The following TMEM230 variants were observed in gnomAD, a reference collection of about 807,000 sequenced individuals.
TMEM230 encodes the protein transmembrane protein 230.
TMEM230 carries 10 observed loss-of-function variants against 15.8 expected under a neutral mutation model. The ratio of observed to expected loss-of-function variants is 0.63; its 90% CI spans 0.39 to 1.07. The LOEUF (loss-of-function observed/expected upper bound fraction) is 1.07. Ranked by LOEUF, TMEM230 falls within the 50% of genes least tolerant of loss-of-function variation. The probability of loss-of-function intolerance (pLI) is 0.01; values close to 1 mark genes in which losing one functional copy is unlikely to be tolerated. For synonymous variants in TMEM230, 67 were observed against 76.9 expected (o/e 0.87, Z 0.68); for missense variants, 165 against 193.3 (o/e 0.85, Z 0.87).
intron 3 of TMEM230, among the ~76,000 whole-genome samples, chr20:5,090,296 A>G (rs947715832): frequency 6.6e-6 from 1 of 152,228 alleles, no homozygotes; most frequent in African/African-American, 2.4e-5. Context: ...ATGGGTGCTG[A>G]ATAGAAATAG....
At chr20:5,103,166 C>A (rs543305231) in intron 4 of TMEM230, among the ~76,000 whole-genome samples, 1 of 152,142 alleles carries the variant, frequency 6.6e-6, no homozygotes, top group Non-Finnish European at 1.5e-5. Context: ...TAACACACAA[C>A]GGGAAACATA....
At chr20:5,097,803 T>G (rs1246459007), downstream of TMEM230, among the ~76,000 whole-genome samples, 2 of 151,512 alleles carry the variant, frequency 1.3e-5, no homozygotes, top group Admixed American at 6.6e-5. Flanking sequence ...CCCAGCTAAT[T>G]TTTGTATTTT....
chr20:5,084,310 A>T (rs6084992), intron 3 of TMEM230, among the ~76,000 whole-genome samples: 3 of 149,712 alleles, frequency 2.0e-5, no homozygotes, highest in Admixed American at 6.7e-5. Context: ...TGCAACCTCC[A>T]CCTCTTGGGT....
Position 5,106,299 on chromosome 20 carries a change from G to A in TMEM230, c.300C>T (p.Thr100=), listed in dbSNP as rs999154020. Residue 100 remains threonine (T), a synonymous_variant, in exon 4 of 5, where the codon ACC becomes ACT. Transcript: ENST00000342308. ...TGGCCTTATAAGGGATCTTAGGAGG[G>A]GTTTTCTTAAACTGGAAGAGAAATA... is the stretch of plus-strand genomic sequence containing the variant. The A allele has an allele frequency of 1.2e-6, 2 of 1,603,882 alleles. No homozygotes were observed. Among genetic ancestry groups the A allele is most frequent in the Non-Finnish European group, 8.5e-7 (1 of 1,177,140 alleles).
At chr20:5,110,663 G>A (rs966064779) in intron 2 of TMEM230, among the ~76,000 whole-genome samples, 1 of 152,146 alleles carries the variant, frequency 6.6e-6, no homozygotes, top group African/African-American at 2.4e-5. Context: ...ACTGAAAGTA[G>A]TGATTTCATT....
chr20:5,103,760 A>C (rs2089964602), intron 4 of TMEM230, among the ~76,000 whole-genome samples: 1 of 152,184 alleles, frequency 6.6e-6, no homozygotes, highest in Non-Finnish European at 1.5e-5. Context: ...TAGACCCCTC[A>C]AATCTCTTGA....
chr20:5,092,364 T>C (rs2089534426), intron 3 of TMEM230, among the ~76,000 whole-genome samples: 1 of 152,120 alleles, frequency 6.6e-6, no homozygotes, highest in South Asian at 2.1e-4. Flanking sequence ...GGAAAATACT[T>C]GGCATTTTCT....
chr20:5,103,786 A>T (rs1402509359), intron 4 of TMEM230, among the ~76,000 whole-genome samples: 1 of 152,188 alleles, frequency 6.6e-6, no homozygotes, highest in Non-Finnish European at 1.5e-5. Context: ...ACAAAAATCA[A>T]ATGAGAATGG....
the TMEM230 span, among the ~76,000 whole-genome samples, chr20:5,059,382 G>T: frequency 6.6e-6 from 1 of 151,894 alleles, no homozygotes; most frequent in African/African-American, 2.4e-5. Context: ...ACATGAGTCT[G>T]TTGTATATAG....
At chr20:5,108,135 A>C (rs1600409257) in intron 3 of TMEM230, among the ~76,000 whole-genome samples, 1 of 151,838 alleles carries the variant, frequency 6.6e-6, no homozygotes, top group South Asian at 2.1e-4. Flanking sequence ...AAACAAAACA[A>C]GAGGCTGGGC....
At chr20:5,089,204 C>T (rs973937726) in intron 3 of TMEM230, among the ~76,000 whole-genome samples, 1 of 152,004 alleles carries the variant, frequency 6.6e-6, no homozygotes, top group South Asian at 2.1e-4. Flanking sequence ...GAAACCCTGT[C>T]TCTACTAAAA....
At chr20:5,107,186 C>T (rs144573695) in intron 3 of TMEM230, among the ~76,000 whole-genome samples, 14 of 152,270 alleles carry the variant, frequency 9.2e-5, no homozygotes, top group Middle Eastern at 6.8e-3. Flanking sequence ...CCTGCAGTCC[C>T]GGCTACTTGG....
At chr20:5,095,384 C>T (rs769838856), downstream of TMEM230, among the ~76,000 whole-genome samples, 19 of 152,272 alleles carry the variant, frequency 1.2e-4, no homozygotes, top group African/African-American at 3.6e-4. Context: ...TTCAGGGAAC[C>T]GAAGCATGTT....
chr20:5,110,085 C>A (rs895676032), intron 2 of TMEM230, among the ~76,000 whole-genome samples: 2 of 152,024 alleles, frequency 1.3e-5, no homozygotes, highest in Non-Finnish European at 2.9e-5. Flanking sequence ...GAGACGGTGT[C>A]TTGCTTTGTC....
At chr20:5,099,824 T>C (rs1209469045), downstream of TMEM230, 2 of 947,410 alleles carry the variant, frequency 2.1e-6, no homozygotes, top group Admixed American at 1.2e-4. Context: ...AAAGATATCA[T>C]AAAATCATTA....
At chr20:5,086,303 T>C (rs2089335323) in intron 3 of TMEM230, among the ~76,000 whole-genome samples, 1 of 150,644 alleles carries the variant, frequency 6.6e-6, no homozygotes, top group Non-Finnish European at 1.5e-5. Context: ...TTTGGGAGGC[T>C]GAGGCGGGTG....
At chr20:5,095,558 G>C (rs1384587162), downstream of TMEM230, among the ~76,000 whole-genome samples, 2 of 152,124 alleles carry the variant, frequency 1.3e-5, no homozygotes, top group African/African-American at 2.4e-5. Context: ...AATAATAGTG[G>C]ATCAAAGAGG....
Position 5,072,248 on chromosome 20 carries a change from C to T in TMEM230, c.223-2899G>A, listed in dbSNP as rs369635902. Among the ~76,000 whole-genome samples, 54 of 152,152 alleles carry T rather than the reference C, an allele frequency of 3.5e-4. No homozygotes were observed. In the East Asian group the frequency reaches 0.01, roughly 28 times the overall value. ...GTATTTTTTTGTAGAAATGGGGCCT[C>T]ACTGTGTGGTCCAGGCTAGTGTTGA... is the stretch of plus-strand genomic sequence containing the variant. On this transcript the variant is annotated intron_variant, in intron 3 of 3. Transcript: ENST00000612323.
intron 3 of TMEM230, among the ~76,000 whole-genome samples, chr20:5,076,379 A>G (rs2088995057): frequency 6.6e-6 from 1 of 151,938 alleles, no homozygotes; most frequent in South Asian, 2.1e-4. Context: ...GTCTCTACTA[A>G]AAATACAAAA....
Sources: allele counts gnomAD v4.1 joint callset (sites outside exome capture counted in the v4.1 genomes callset), GRCh38; gene constraint gnomAD v4.1.1; transcripts MANE v1.5; gene names NCBI Gene and HGNC (gene_info 2026-07-23, HGNC 2026-07-21).